Variants in RUNX2 observed in about 807,000 individuals in gnomAD.
RUNX2 encodes the protein runt-related transcription factor 2.
RUNX2 carries 10 observed loss-of-function variants against 51.7 expected under a neutral mutation model. That is an observed-to-expected ratio of 0.19 (90% CI 0.12 to 0.33). The LOEUF (loss-of-function observed/expected upper bound fraction) is 0.33. RUNX2 is among the 10% of genes least tolerant of loss of function. The pLI is 1.00. For synonymous variants in RUNX2, 276 were observed against 273.6 expected (o/e 1.01, Z -0.09); for missense variants, 562 against 691.3 (o/e 0.81, Z 2.10).
At chr6:45,491,893 T>C (rs1255918003) in intron 5 of RUNX2, 48 bp from the exon 6 acceptor site, 1 of 1,579,366 alleles carries the variant, frequency 6.3e-7, no homozygotes, top group Non-Finnish European at 8.7e-7. Context: ...GCATGGTCAA[T>C]TGTTCAGCTA....
chr6:45,328,523 T>C (rs1289602669), intron 1 of RUNX2, 63 bp downstream of exon 1: 3 of 1,562,122 alleles, frequency 1.9e-6, no homozygotes, highest in Non-Finnish European at 8.7e-7. Context: ...TTGCTCATTC[T>C]CTTTTTGTTT....
At chr6:45,394,105 A>T (rs977818267) in intron 2 of RUNX2, among the ~76,000 whole-genome samples, 1 of 151,464 alleles carries the variant, frequency 6.6e-6, no homozygotes, top group Non-Finnish European at 1.5e-5. Flanking sequence ...TAGAGACGGG[A>T]TTTCACCATG....
At chr6:45,364,030 G>A (rs888355204) in intron 2 of RUNX2, among the ~76,000 whole-genome samples, 1 of 151,624 alleles carries the variant, frequency 6.6e-6, no homozygotes, top group African/African-American at 2.4e-5. Flanking sequence ...CAGGAAAATC[G>A]CTTCAACCTA....
chr6:45,415,711 G>C (rs188385791), intron 2 of RUNX2, among the ~76,000 whole-genome samples: 2 of 152,266 alleles, frequency 1.3e-5, no homozygotes, highest in East Asian at 3.9e-4. Context: ...AGTTAACCAG[G>C]AAGCAAAACC....
rs373582100 is a variant in RUNX2 at position 45,412,635 on chromosome 6, G to A, written c.59-9958G>A. On this transcript the variant is annotated intron_variant, in intron 2 of 8. Transcript: ENST00000647337. ...TGCATTGACAAAGGAAAGAATACTGGCCAAATAACCTTTTTTTAAAAAAAC... is the reference window on the plus strand; with the variant it reads ...TGCATTGACAAAGGAAAGAATACTGACCAAATAACCTTTTTTTAAAAAAAC... Among the ~76,000 whole-genome samples, 536 of 151,634 alleles carry A rather than the reference G, an allele frequency of 3.5e-3. 5 individuals are homozygous for A. Among genetic ancestry groups the A allele is most frequent in the African/African-American group, 0.012 (507 of 41,366 alleles).
chr6:45,525,787 C>A (rs571370298), intron 7 of RUNX2, among the ~76,000 whole-genome samples: 60 of 152,052 alleles, frequency 3.9e-4, no homozygotes, highest in Non-Finnish European at 5.0e-4. Flanking sequence ...TTGAGCCCAG[C>A]AGTTGGAGAC....
intron 2 of RUNX2, among the ~76,000 whole-genome samples, chr6:45,369,729 T>C (rs1368418831): frequency 2.6e-5 from 4 of 152,192 alleles, no homozygotes; most frequent in African/African-American, 7.2e-5. Flanking sequence ...GGTAGGGATA[T>C]AGTAGTGACT....
At chr6:45,546,211 C>T (rs1422429057) in intron 8 of RUNX2, among the ~76,000 whole-genome samples, 2 of 152,044 alleles carry the variant, frequency 1.3e-5, no homozygotes, top group Non-Finnish European at 1.5e-5. Context: ...CCCTCCCTAT[C>T]CACCCCCAGA....
chr6:45,517,431 C>G (rs995130167), intron 7 of RUNX2, among the ~76,000 whole-genome samples: 4 of 152,106 alleles, frequency 2.6e-5, no homozygotes, highest in African/African-American at 7.2e-5. Flanking sequence ...TTGCCTTGGC[C>G]TCCCAAAGTG....
intron 5 of RUNX2, among the ~76,000 whole-genome samples, chr6:45,491,324 C>T (rs576320875): frequency 6.6e-6 from 1 of 152,230 alleles, no homozygotes; most frequent in Non-Finnish European, 1.5e-5. Context: ...ACAAAATATC[C>T]AGATTCCTCT....
chr6:45,390,343 C>T (rs1797444860), intron 2 of RUNX2, among the ~76,000 whole-genome samples: 2 of 152,248 alleles, frequency 1.3e-5, no homozygotes, highest in South Asian at 4.1e-4. Flanking sequence ...CCGAACTCCA[C>T]TCTAAGAGGT....
chr6:45,507,225 C>T (rs528475021), intron 6 of RUNX2, among the ~76,000 whole-genome samples: 7 of 152,090 alleles, frequency 4.6e-5, no homozygotes, highest in Non-Finnish European at 8.8e-5. Context: ...GGCAGGGTGA[C>T]GGATGGATTA....
chr6:45,383,669 AAAGTT>A (rs1797289267), intron 2 of RUNX2, among the ~76,000 whole-genome samples: 1 of 152,370 alleles, frequency 6.6e-6, no homozygotes, highest in South Asian at 2.1e-4. Flanking sequence ...AGTAGAGAAT[AAAGTT>A]AAGACGAGTA....
At chr6:45,412,213 G>A (rs1345619187) in intron 2 of RUNX2, among the ~76,000 whole-genome samples, 6 of 147,882 alleles carry the variant, frequency 4.1e-5, no homozygotes, top group South Asian at 2.1e-4. Context: ...AAAATTAGCC[G>A]GGCATGGTAG....
intron 6 of RUNX2, among the ~76,000 whole-genome samples, chr6:45,508,074 A>G (rs1171717423): frequency 1.3e-5 from 2 of 152,156 alleles, no homozygotes; most frequent in Non-Finnish European, 2.9e-5. Context: ...TTGGATTGGT[A>G]ATCACTCATT....
At chr6:45,420,067 T>C (rs1582091009) in intron 2 of RUNX2, among the ~76,000 whole-genome samples, 1 of 151,748 alleles carries the variant, frequency 6.6e-6, no homozygotes, top group East Asian at 1.9e-4. Context: ...AAGCCCCAAT[T>C]AGGAAGGACA....
At chr6:45,473,840 T>G (rs888952149) in intron 5 of RUNX2, among the ~76,000 whole-genome samples, 1 of 152,192 alleles carries the variant, frequency 6.6e-6, no homozygotes, top group Non-Finnish European at 1.5e-5. Flanking sequence ...AGGAGTCACA[T>G]ATGTGGGAAT....
intron 2 of RUNX2, among the ~76,000 whole-genome samples, chr6:45,391,112 A>G (rs978978293): frequency 3.3e-5 from 5 of 152,206 alleles, no homozygotes; most frequent in African/African-American, 1.2e-4. Flanking sequence ...CATGTCTTGT[A>G]TAGGTACAAG....
chr6:45,499,775 C>T (rs1229187261), intron 6 of RUNX2, among the ~76,000 whole-genome samples: 1 of 152,182 alleles, frequency 6.6e-6, no homozygotes, highest in African/African-American at 2.4e-5. Flanking sequence ...TATAATGCCT[C>T]ATTTTATCCT....
Sources: gnomAD v4.1 joint callset for allele counts (sites outside exome capture counted in the v4.1 genomes callset) on GRCh38, gnomAD v4.1.1 for gene constraint, MANE v1.5 for transcripts, NCBI Gene and HGNC (gene_info 2026-07-23, HGNC 2026-07-21) for gene names.